CELF2: variants seen among roughly 807,000 people sequenced by gnomAD.
CELF2 encodes CUG triplet repeat RNA-binding protein 2.
Under a neutral mutation model 62.6 loss-of-function variants are expected in CELF2, and 8 were observed. The observed-to-expected ratio is 0.13, with a 90% CI of 0.07 to 0.23. The LOEUF (loss-of-function observed/expected upper bound fraction) is 0.23, where lower values mean the gene tolerates loss of function less well. CELF2 is among the 10% of genes least tolerant of loss of function. The pLI, the probability that CELF2 is intolerant of heterozygous loss-of-function variation, is 1.00. For synonymous variants in CELF2, 258 were observed against 250.0 expected (o/e 1.03, Z -0.30); for missense variants, 333 against 671.0 (o/e 0.50, Z 5.56).
chr10:10,996,765 A>AT (rs1018012678), intron 2 of CELF2, among the ~76,000 whole-genome samples: 20 of 149,828 alleles, frequency 1.3e-4, no homozygotes, highest in African/African-American at 3.4e-4. Flanking sequence ...TCCAGATCCC[A>AT]TTTTTTTTTG....
At position 10,973,728 on chromosome 10, in the gene CELF2, G is replaced by A. The variant is rs367619522; in HGVS notation, c.89+53729G>A. Among the ~76,000 whole-genome samples the A allele has an allele frequency of 5.3e-5, 8 of 152,202 alleles. No homozygotes were observed. The East Asian group carries it at 1.2e-3, about 22-fold the overall frequency. Reference sequence around the variant, plus strand: ...AGTACAGGCATGTGCCACCACACCTGGCTAATTTTTTTTATGTTTTGTAGA... The same window carrying A: ...AGTACAGGCATGTGCCACCACACCTAGCTAATTTTTTTTATGTTTTGTAGA... On this transcript the variant is annotated intron_variant, in intron 2 of 13. Transcript: ENST00000636488.
chr10:11,165,759 C>T lies in CELF2; in HGVS notation c.271+77C>T. On this transcript the variant is annotated intron_variant, in intron 2 of 12. Transcript: ENST00000633077. This position sits in a 1 kb window ranked among gnomAD's most constrained non-coding sequence, Gnocchi z 7.4. ...CACTGGGGCTGTCCGAGCCCCCAGC[C>T]TGCAGGAGGAAGGGCGGGTAGGCAG... The T allele has an allele frequency of 7.3e-7, 1 of 1,375,654 alleles. No individual in the cohort carries two copies. The highest frequency in any genetic ancestry group is 1.3e-5 in the South Asian group (1 of 75,564). The allele number at this position is 1,375,654 out of a possible 1,614,324, so 85.2% of individuals were successfully genotyped here.
chr10:10,671,231 C>T, the CELF2 span, among the ~76,000 whole-genome samples: 2 of 150,188 alleles, frequency 1.3e-5, no homozygotes, highest in Non-Finnish European at 3.0e-5. Flanking sequence ...GAATTAGGCA[C>T]CTAAATTTTC....
At chr10:10,763,995 C>G in the CELF2 span, among the ~76,000 whole-genome samples, 1 of 152,206 alleles carries the variant, frequency 6.6e-6, no homozygotes, top group Non-Finnish European at 1.5e-5. Flanking sequence ...GTGCGGCTGT[C>G]TGAAAGAGTT....
intron 1 of CELF2, among the ~76,000 whole-genome samples, chr10:10,812,250 C>T (rs1262971143): frequency 6.6e-6 from 1 of 152,114 alleles, no homozygotes; most frequent in East Asian, 1.9e-4. Flanking sequence ...TAAAGCCAAG[C>T]AAAAGGGGAA....
chr10:11,252,105 C>T (rs1365151686), intron 4 of CELF2, among the ~76,000 whole-genome samples: 2 of 152,230 alleles, frequency 1.3e-5, no homozygotes, highest in African/African-American at 4.8e-5. Context: ...AATGGAACCT[C>T]ACCTTGCACA....
At chr10:10,914,638 A>G (rs2064153990) in intron 1 of CELF2, among the ~76,000 whole-genome samples, 1 of 152,106 alleles carries the variant, frequency 6.6e-6, no homozygotes, top group Admixed American at 6.6e-5. Flanking sequence ...GATCACACCA[A>G]CGATGGTGTG....
At chr10:11,295,422 C>T (rs1263097428) in intron 9 of CELF2, among the ~76,000 whole-genome samples, 1 of 152,228 alleles carries the variant, frequency 6.6e-6, no homozygotes. Context: ...ATTGTAACTT[C>T]TACACTCTTA....
chr10:11,161,734 G>A (rs1469428488), intron 1 of CELF2, among the ~76,000 whole-genome samples: 1 of 152,200 alleles, frequency 6.6e-6, no homozygotes, highest in Non-Finnish European at 1.5e-5. Flanking sequence ...GGAGTGAAGA[G>A]AAGCAAGCTA....
chr10:10,489,554 A>G, the CELF2 span, among the ~76,000 whole-genome samples: 11 of 152,132 alleles, frequency 7.2e-5, no homozygotes, highest in African/African-American at 2.7e-4. Context: ...TATACGGTGT[A>G]TATTAGAAAT....
chr10:11,273,296 G>A (rs376772789), intron 7 of CELF2, among the ~76,000 whole-genome samples: 3 of 152,196 alleles, frequency 2.0e-5, no homozygotes, highest in Admixed American at 6.5e-5. Context: ...GCGAGAGAGC[G>A]TTACTGCCTG....
upstream of CELF2, among the ~76,000 whole-genome samples, chr10:11,013,265 G>A (rs537661545): frequency 6.6e-6 from 1 of 152,210 alleles, no homozygotes; most frequent in Non-Finnish European, 1.5e-5. The surrounding 1 kb of genome is among the most constrained non-coding windows in gnomAD (Gnocchi z 4.1). Flanking sequence ...AAGGGAGAAA[G>A]AGAAAGCTGA....
At chr10:10,889,376 T>A (rs1486517103) in intron 1 of CELF2, among the ~76,000 whole-genome samples, 1 of 152,236 alleles carries the variant, frequency 6.6e-6, no homozygotes, top group African/African-American at 2.4e-5. Flanking sequence ...GGCAGCATGA[T>A]ACAAAACAGT....
Position 11,255,014 on chromosome 10 carries a change from C to T in CELF2, c.404-2724C>T, listed in dbSNP as rs191126667. On this transcript the variant is annotated intron_variant, in intron 4 of 12. Transcript: ENST00000633077. The surrounding 1 kb of genome is among the most constrained non-coding windows in gnomAD (Gnocchi z 5.5). ...ATCCTCCCATGTTAGTGAGCACAGG[C>T]GGTGTAGACGGCCTGCAGCAGGTGG... Among the ~76,000 whole-genome samples the T allele has an allele frequency of 1.3e-4, 20 of 152,270 alleles. 1 individual carries two copies. The highest frequency in any genetic ancestry group is 9.8e-4 in the Admixed American group (15 of 15,294).
intron 2 of CELF2, among the ~76,000 whole-genome samples, chr10:10,937,749 G>A (rs191271592): frequency 6.6e-6 from 1 of 152,220 alleles, no homozygotes; most frequent in East Asian, 1.9e-4. Flanking sequence ...AGTGTTATTT[G>A]TGTGAAGTAA....
In CELF2 at chr10:11,318,864, A is replaced by C. The variant is rs577483677; in HGVS notation, c.1097-2325A>C. On this transcript the variant is annotated intron_variant, in intron 10 of 12. Coordinates refer to ENST00000633077, the MANE Select transcript of CELF2 (RefSeq NM_001326342.2). This position sits in a 1 kb window ranked among gnomAD's most constrained non-coding sequence, Gnocchi z 5.4. ...GGAGAAGCCGAGTCGTGGAGGCTGCACATCGCAGGAAGGATCCCCCGTGGG... is the reference window on the plus strand; with the variant it reads ...GGAGAAGCCGAGTCGTGGAGGCTGCCCATCGCAGGAAGGATCCCCCGTGGG... The C allele has an allele frequency of 4.2e-6, 2 of 471,216 alleles. No individual in the cohort carries two copies. Among genetic ancestry groups the C allele is most frequent in the Admixed American group, 4.7e-5 (2 of 42,586 alleles). The allele number at this position is 471,216 out of a possible 1,614,324, so 29.2% of individuals were successfully genotyped here. A position where few individuals can be genotyped will look rare whatever the true frequency, so the allele number is the denominator to read the frequency against.
rs555234924 is a variant in CELF2 at position 10,979,091 on chromosome 10, C to G, written c.89+59092C>G. On this transcript the variant is annotated intron_variant, in intron 2 of 13. Transcript: ENST00000636488. ...ACCCCTGCCTCTCATTCTCTGCCCC[C>G]AGGTTTGGCCACCATTTTCCAGGAG... Among the ~76,000 whole-genome samples, 127 of 152,298 alleles carry G rather than the reference C, an allele frequency of 8.3e-4. 2 individuals are homozygous for G. The highest frequency in any genetic ancestry group is 2.1e-3 in the South Asian group (10 of 4,824).
the CELF2 span, among the ~76,000 whole-genome samples, chr10:10,488,824 C>T: frequency 1.3e-5 from 2 of 151,996 alleles, no homozygotes; most frequent in Admixed American, 6.6e-5. Context: ...TCTTTCCATT[C>T]TTTTCCTTCA....
intron 1 of CELF2, among the ~76,000 whole-genome samples, chr10:11,049,558 T>TAAAAAAAA (rs368708381): frequency 1.0e-5 from 1 of 96,906 alleles, no homozygotes; most frequent in East Asian, 4.3e-4. Flanking sequence ...CTTTCTTTAG[T>TAAAAAAAA]AAAAAAAAAA....
Sources: allele counts gnomAD v4.1 joint callset (sites outside exome capture counted in the v4.1 genomes callset), GRCh38; gene constraint gnomAD v4.1.1; non-coding constraint Gnocchi (gnomAD v3.1); transcripts MANE v1.5; gene names NCBI Gene and HGNC (gene_info 2026-07-23, HGNC 2026-07-21).